CDC14B: variants seen among roughly 807,000 people sequenced by gnomAD.
CDC14B encodes the protein dual specificity protein phosphatase CDC14B.
In CDC14B, 22 loss-of-function variants were observed where a neutral mutation model predicts 64.2. The observed-to-expected ratio is 0.34, with a 90% CI of 0.24 to 0.49. CDC14B has a LOEUF of 0.49. Ranked by LOEUF, CDC14B falls within the 20% of genes least tolerant of loss-of-function variation. The probability of loss-of-function intolerance (pLI) is 0.99; values close to 1 mark genes in which losing one functional copy is unlikely to be tolerated. For synonymous variants in CDC14B, 191 were observed against 215.8 expected, an observed-to-expected ratio of 0.89 and a Z score of 1.01; for missense variants, 498 against 629.9, an observed-to-expected ratio of 0.79 and a Z score of 2.24.
intron 6 of CDC14B, among the ~76,000 whole-genome samples, chr9:96,540,390 T>C (rs568695982): frequency 2.0e-5 from 3 of 152,280 alleles, no homozygotes; most frequent in African/African-American, 7.2e-5. Context: ...CCCAGCACTT[T>C]GGGAGGCCAA....
chr9:96,525,477 C>A lies in CDC14B; in HGVS notation c.947-1752G>T, dbSNP rs181220114. 5.7e-4 allele frequency among the ~76,000 whole-genome samples: 86 copies of A among 152,072 alleles called. No homozygotes were observed. In the East Asian group the frequency reaches 0.014, roughly 24 times the overall value. On this transcript the variant is annotated intron_variant, in intron 9 of 13. Coordinates refer to ENST00000375241, the MANE Select transcript of CDC14B (RefSeq NM_033331.4). Reference sequence around the variant, plus strand: ...AAGCTCAGGGAAGGCCTGCCTACTCCTTGATTTCACAGGGTAGGGCCACCT... The same window carrying A: ...AAGCTCAGGGAAGGCCTGCCTACTCATTGATTTCACAGGGTAGGGCCACCT...
intron 3 of CDC14B, among the ~76,000 whole-genome samples, chr9:96,564,203 T>C (rs1265115909): frequency 6.6e-6 from 1 of 152,216 alleles, no homozygotes; most frequent in Non-Finnish European, 1.5e-5. Context: ...TTTACATACA[T>C]GAATGTGGTC....
intron 1 of CDC14B, among the ~76,000 whole-genome samples, chr9:96,608,014 C>A (rs1448236597): frequency 6.6e-6 from 1 of 152,186 alleles, no homozygotes; most frequent in East Asian, 1.9e-4. Context: ...TTCAGAGGCA[C>A]ACATCTTGTT....
At chr9:96,535,446 T>C (rs1032969918) in intron 7 of CDC14B, among the ~76,000 whole-genome samples, 60 of 152,368 alleles carry the variant, frequency 3.9e-4, no homozygotes, top group African/African-American at 1.4e-3. Flanking sequence ...TGTTACTTCC[T>C]GTTATTAGGT....
intron 1 of CDC14B, among the ~76,000 whole-genome samples, chr9:96,573,534 A>C (rs1450499955): frequency 6.6e-6 from 1 of 152,208 alleles, no homozygotes; most frequent in Non-Finnish European, 1.5e-5. Context: ...GGAAGACTCA[A>C]TATCATAAAG....
chr9:96,588,658 T>C (rs973264696), intron 1 of CDC14B, among the ~76,000 whole-genome samples: 9 of 152,118 alleles, frequency 5.9e-5, no homozygotes, highest in African/African-American at 2.2e-4. Context: ...GGCTAAGTTT[T>C]GTATTTTTGG....
chr9:96,514,559 T>C (rs1835353244), intron 12 of CDC14B: 17 of 985,454 alleles, frequency 1.7e-5, no homozygotes, highest in Non-Finnish European at 2.0e-5. Context: ...TTCTCAGCTA[T>C]GTGAAAATAC....
chr9:96,506,564 G>A (rs947270919), intron 13 of CDC14B, among the ~76,000 whole-genome samples: 1 of 152,216 alleles, frequency 6.6e-6, no homozygotes, highest in Non-Finnish European at 1.5e-5. Flanking sequence ...CTCACTGTTA[G>A]ACTCCTTTTG....
chr9:96,556,443 A>G (rs1412630139), intron 4 of CDC14B, among the ~76,000 whole-genome samples: 1 of 152,202 alleles, frequency 6.6e-6, no homozygotes. Context: ...AAAAAAGGTG[A>G]GCAGAGGAAA....
At chr9:96,566,815 A>C (rs565147100) in intron 1 of CDC14B, 31 of 1,605,670 alleles carry the variant, frequency 1.9e-5, no homozygotes, top group African/African-American at 8.0e-5. Flanking sequence ...CTCCCGGCTC[A>C]TGACTCCAAA....
chr9:96,614,223 C>T (rs1203342189), intron 1 of CDC14B, among the ~76,000 whole-genome samples: 1 of 151,726 alleles, frequency 6.6e-6, no homozygotes, highest in Non-Finnish European at 1.5e-5. Flanking sequence ...CTTTACTAAT[C>T]AGAATTTTTC....
At chr9:96,618,149 T>C (rs948268001) in intron 1 of CDC14B, among the ~76,000 whole-genome samples, 1 of 152,204 alleles carries the variant, frequency 6.6e-6, no homozygotes, top group African/African-American at 2.4e-5. Context: ...CCTAGAATAT[T>C]ATTTCTCCTA....
At chr9:96,577,525 A>G (rs1284463577) in intron 1 of CDC14B, among the ~76,000 whole-genome samples, 2 of 152,200 alleles carry the variant, frequency 1.3e-5, no homozygotes, top group East Asian at 1.9e-4. Flanking sequence ...GTTGAACATA[A>G]TAATTCTGGC....
chr9:96,600,511 T>G (rs1846363310), intron 1 of CDC14B, among the ~76,000 whole-genome samples: 1 of 150,042 alleles, frequency 6.7e-6, no homozygotes, highest in Non-Finnish European at 1.5e-5. Flanking sequence ...AGCTTGTGGT[T>G]TTTTTTTTTG....
chr9:96,520,029 G>T (rs1836437051), intron 12 of CDC14B, among the ~76,000 whole-genome samples: 1 of 152,144 alleles, frequency 6.6e-6, no homozygotes, highest in Non-Finnish European at 1.5e-5. Context: ...AAGAGGGAAA[G>T]AAAGAAAATC....
chr9:96,507,998 A>G (rs1834393551), intron 13 of CDC14B, among the ~76,000 whole-genome samples: 1 of 152,024 alleles, frequency 6.6e-6, no homozygotes, highest in Non-Finnish European at 1.5e-5. Context: ...TTACAAAATT[A>G]GAGTCATACT....
chr9:96,554,071 G>A (rs1842178930), intron 4 of CDC14B, among the ~76,000 whole-genome samples: 1 of 152,134 alleles, frequency 6.6e-6, no homozygotes, highest in Non-Finnish European at 1.5e-5. Flanking sequence ...GGCTAAGGCA[G>A]GAGAATCCCT....
chr9:96,550,514 C>T (rs16911202), intron 5 of CDC14B, among the ~76,000 whole-genome samples: 2,560 of 152,234 alleles, frequency 0.017, 73 homozygotes, highest in African/African-American at 0.059. Flanking sequence ...AAGTTAGGGC[C>T]ATACATTCAA....
intron 4 of CDC14B, among the ~76,000 whole-genome samples, chr9:96,553,992 C>T (rs1314928157): frequency 2.6e-5 from 4 of 151,986 alleles, no homozygotes; most frequent in African/African-American, 9.7e-5. Context: ...GGTGAAACCC[C>T]GTCTCTACTA....
Sources: gnomAD v4.1 joint callset for allele counts (sites outside exome capture counted in the v4.1 genomes callset) on GRCh38, gnomAD v4.1.1 for gene constraint, MANE v1.5 for transcripts, NCBI Gene and HGNC (gene_info 2026-07-23, HGNC 2026-07-21) for gene names.